The following CENPP variants were observed in gnomAD, a reference collection of about 807,000 sequenced individuals.
CENPP encodes the protein centromere protein P.
CENPP carries 24 observed loss-of-function variants against 35.6 expected under a neutral mutation model. That is an observed-to-expected ratio of 0.67 (90% confidence interval 0.49 to 0.95). The LOEUF (loss-of-function observed/expected upper bound fraction) is 0.95. Ranked by LOEUF, CENPP falls within the 40% of genes least tolerant of loss-of-function variation. The pLI is 0.00. For synonymous variants in CENPP, 120 were observed against 125.5 expected (o/e 0.96, Z 0.29); for missense variants, 332 against 345.3 (o/e 0.96, Z 0.31).
rs368634649 is a variant in CENPP at position 92,416,072 on chromosome 9, T to TATATA, written c.564+36213_564+36214insATATA. Among the ~76,000 whole-genome samples the TATATA allele has an allele frequency of 1.3e-3, 167 of 125,360 alleles. 1 individual carries two copies. The highest frequency in any genetic ancestry group is 4.3e-3 in the African/African-American group (145 of 33,706). 82.2% of individuals were successfully genotyped at this position (125,360 alleles called of 152,430 possible). On this transcript the variant is annotated intron_variant, in intron 5 of 7. Transcript: ENST00000375587. Reference sequence around the variant, plus strand: ...TATATATGTGTGTATATATATATATTTATTTATTTATTTATTTATTTATTT... The same window carrying TATATA: ...TATATATGTGTGTATATATATATATTATATATATTTATTTATTTATTTATTTATTT...
intron 4 of CENPP, among the ~76,000 whole-genome samples, chr9:92,362,844 G>C (rs1841792704): frequency 6.6e-6 from 1 of 152,072 alleles, no homozygotes; most frequent in Non-Finnish European, 1.5e-5. Flanking sequence ...GTATGTATAT[G>C]TATCCATATT....
intron 5 of CENPP, among the ~76,000 whole-genome samples, chr9:92,587,596 G>A (rs1850571858): frequency 6.6e-6 from 1 of 152,178 alleles, no homozygotes; most frequent in Admixed American, 6.5e-5. Context: ...AGACACAAAA[G>A]GTTACATATT....
At chr9:92,371,977 T>A (rs1199363680) in intron 4 of CENPP, among the ~76,000 whole-genome samples, 1 of 139,280 alleles carries the variant, frequency 7.2e-6, no homozygotes, top group African/African-American at 2.6e-5. Flanking sequence ...GTGATTCTCC[T>A]GCCTCAGCTT....
At chr9:92,400,277 G>A (rs1367368214) in intron 5 of CENPP, among the ~76,000 whole-genome samples, 1 of 152,052 alleles carries the variant, frequency 6.6e-6, no homozygotes, top group African/African-American at 2.4e-5. Context: ...AGCTTCCCGA[G>A]TAGCTGGGAT....
intron 4 of CENPP, among the ~76,000 whole-genome samples, chr9:92,353,660 A>C (rs1341701948): frequency 6.6e-6 from 1 of 152,178 alleles, no homozygotes; most frequent in Non-Finnish European, 1.5e-5. Flanking sequence ...CTTAACTTCC[A>C]GTTTAATGAG....
At chr9:92,558,434 G>A (rs950054052) in intron 5 of CENPP, among the ~76,000 whole-genome samples, 9 of 152,304 alleles carry the variant, frequency 5.9e-5, no homozygotes, top group Non-Finnish European at 8.8e-5. Context: ...CACCCAGTGA[G>A]TCTGCCCGGC....
At chr9:92,415,808 T>C (rs905458734) in intron 5 of CENPP, among the ~76,000 whole-genome samples, 2 of 147,356 alleles carry the variant, frequency 1.4e-5, no homozygotes, top group African/African-American at 4.9e-5. Context: ...TTTATATATA[T>C]ACATATATAA....
At chr9:92,479,007 G>A (rs540257473) in intron 5 of CENPP, among the ~76,000 whole-genome samples, 3 of 152,240 alleles carry the variant, frequency 2.0e-5, no homozygotes, top group Non-Finnish European at 2.9e-5. Flanking sequence ...TGCACACCAC[G>A]TAATGGTTTC....
chr9:92,420,894 G>A (rs868528522), intron 5 of CENPP, among the ~76,000 whole-genome samples: 15 of 152,198 alleles, frequency 9.9e-5, no homozygotes, highest in East Asian at 3.9e-4. Context: ...GGAGTGTTGA[G>A]GTTCTCATAG....
intron 5 of CENPP, chr9:92,474,764 TCA>T (rs772794867): frequency 6.2e-7 from 1 of 1,612,856 alleles, no homozygotes; most frequent in Non-Finnish European, 8.5e-7. Flanking sequence ...ATCATCATCA[TCA>T]TCATCATCAT....
chr9:92,433,463 A>G (rs1166475870), intron 5 of CENPP, among the ~76,000 whole-genome samples: 2 of 152,138 alleles, frequency 1.3e-5, no homozygotes, highest in African/African-American at 2.4e-5. Context: ...GCAGCCTGAT[A>G]CCTTTTTTTC....
intron 5 of CENPP, among the ~76,000 whole-genome samples, chr9:92,442,398 C>CAAA (rs71362387): frequency 6.7e-5 from 5 of 74,474 alleles, no homozygotes; most frequent in Middle Eastern, 6.5e-3. Context: ...AACTCTGTCT[C>CAAA]AAAAAAAAAA....
intron 5 of CENPP, among the ~76,000 whole-genome samples, chr9:92,421,838 A>G (rs1413596719): frequency 6.6e-6 from 1 of 152,152 alleles, no homozygotes; most frequent in African/African-American, 2.4e-5. Context: ...GCAGAGGGTA[A>G]TATCCTTTAT....
chr9:92,525,284 C>T (rs1006892886), intron 5 of CENPP, among the ~76,000 whole-genome samples: 8 of 151,552 alleles, frequency 5.3e-5, no homozygotes, highest in Admixed American at 3.9e-4. Flanking sequence ...CAGCACTGTA[C>T]TCCAGCCTGG....
intron 5 of CENPP, among the ~76,000 whole-genome samples, chr9:92,533,318 AAAAAAAAAAAAT>A (rs1379720982): frequency 3.2e-4 from 30 of 94,838 alleles, no homozygotes; most frequent in African/African-American, 1.1e-3. Flanking sequence ...AAAAAAAAAA[AAAAAAAAAAAAT>A]ATATATATAT....
intron 5 of CENPP, among the ~76,000 whole-genome samples, chr9:92,523,952 C>T (rs1848231733): frequency 6.6e-6 from 1 of 152,168 alleles, no homozygotes; most frequent in Admixed American, 6.5e-5. Context: ...AAGCCTTTTC[C>T]CCAACAACAA....
intron 2 of CENPP, among the ~76,000 whole-genome samples, chr9:92,336,964 A>G (rs1840949612): frequency 6.6e-6 from 1 of 152,186 alleles, no homozygotes; most frequent in Admixed American, 6.5e-5. Flanking sequence ...AGTTAACATG[A>G]CTCAAATTTG....
intron 5 of CENPP, among the ~76,000 whole-genome samples, chr9:92,484,237 A>G (rs1846002114): frequency 6.6e-6 from 1 of 152,154 alleles, no homozygotes; most frequent in East Asian, 1.9e-4. Context: ...AATGACCCCA[A>G]TCAAGAAATC....
chr9:92,472,118 G>A (rs1033012045), intron 5 of CENPP, among the ~76,000 whole-genome samples: 17 of 152,198 alleles, frequency 1.1e-4, no homozygotes, highest in South Asian at 2.1e-4. Context: ...TTGGGAGGCC[G>A]AGGTGGGTGG....
Sources: allele counts gnomAD v4.1 joint callset (sites outside exome capture counted in the v4.1 genomes callset), GRCh38; gene constraint gnomAD v4.1.1; transcripts MANE v1.5; gene names NCBI Gene and HGNC (gene_info 2026-07-23, HGNC 2026-07-21).